The following LHPP variants were observed in gnomAD, a reference collection of about 807,000 sequenced individuals.
The protein encoded by LHPP is hLHPP.
LHPP carries 24 observed loss-of-function variants against 30.3 expected under a neutral mutation model. That is an observed-to-expected ratio of 0.79 (90% CI 0.57 to 1.11). The LOEUF is 1.11. Ranked by LOEUF, LHPP falls within the 50% of genes most tolerant of loss-of-function variation. LHPP has a pLI of 0.00. For missense variants in LHPP, 356 were observed against 367.2 expected (o/e 0.97, Z 0.25); for synonymous variants, 150 against 157.1 (o/e 0.95, Z 0.34).
At chr10:124,481,995 C>T (rs549523438) in intron 1 of LHPP, among the ~76,000 whole-genome samples, 7 of 152,294 alleles carry the variant, frequency 4.6e-5, no homozygotes, top group South Asian at 2.1e-4. Context: ...GTGTAGATAT[C>T]AGCTCCATCT....
chr10:124,571,628 T>C (rs1948585280), intron 6 of LHPP, among the ~76,000 whole-genome samples: 1 of 152,234 alleles, frequency 6.6e-6, no homozygotes, highest in Admixed American at 6.5e-5. Flanking sequence ...GTGACTCTGG[T>C]AATGCAGTCC....
intron 5 of LHPP, among the ~76,000 whole-genome samples, chr10:124,515,584 TG>T (rs1472526265): frequency 1.3e-5 from 2 of 152,220 alleles, no homozygotes; most frequent in African/African-American, 4.8e-5. Context: ...TGGATATTTT[TG>T]TGTGCCCATA....
chr10:124,553,673 A>T (rs894290052), intron 6 of LHPP, among the ~76,000 whole-genome samples: 1 of 151,916 alleles, frequency 6.6e-6, no homozygotes, highest in Admixed American at 6.5e-5. Flanking sequence ...GTTAGCCAGG[A>T]TGGTCTCGAT....
At chr10:124,598,411 G>A (rs1948977721) in intron 6 of LHPP, among the ~76,000 whole-genome samples, 1 of 152,226 alleles carries the variant, frequency 6.6e-6, no homozygotes, top group Non-Finnish European at 1.5e-5. Flanking sequence ...GCCACCGCAG[G>A]GCAGGAGTGT....
intron 5 of LHPP, among the ~76,000 whole-genome samples, chr10:124,502,162 C>T (rs1035877898): frequency 2.0e-5 from 3 of 151,888 alleles, no homozygotes; most frequent in East Asian, 1.9e-4. Flanking sequence ...GTGATAAAAC[C>T]GGGAAATCAA....
chr10:124,477,292 G>C (rs1030025800), intron 1 of LHPP, among the ~76,000 whole-genome samples: 1 of 152,188 alleles, frequency 6.6e-6, no homozygotes, highest in Non-Finnish European at 1.5e-5. Context: ...CCCCGGGGAA[G>C]GGGGTGGTCA....
chr10:124,511,011 C>T (rs991251258), intron 5 of LHPP, among the ~76,000 whole-genome samples: 5 of 152,234 alleles, frequency 3.3e-5, no homozygotes, highest in African/African-American at 1.2e-4. Flanking sequence ...CGCGGTGCCA[C>T]TGGCTGTGTC....
intron 6 of LHPP, among the ~76,000 whole-genome samples, chr10:124,519,335 T>C (rs1036784726): frequency 6.6e-6 from 1 of 152,218 alleles, no homozygotes; most frequent in Admixed American, 6.5e-5. Context: ...TATTTTGGTT[T>C]TTTCTTTTTA....
At chr10:124,513,664 C>T (rs1954374004) in intron 5 of LHPP, among the ~76,000 whole-genome samples, 1 of 150,860 alleles carries the variant, frequency 6.6e-6, no homozygotes. Flanking sequence ...CTATGTTGGC[C>T]AGGCTGGTCT....
chr10:124,604,179 G>A (rs1949064069), intron 6 of LHPP, among the ~76,000 whole-genome samples: 1 of 152,330 alleles, frequency 6.6e-6, no homozygotes, highest in Admixed American at 6.5e-5. Flanking sequence ...TCCCCGACCT[G>A]CTTCCAGAAC....
intron 6 of LHPP, among the ~76,000 whole-genome samples, chr10:124,548,028 G>A (rs893087396): frequency 6.6e-6 from 1 of 152,256 alleles, no homozygotes; most frequent in African/African-American, 2.4e-5. Flanking sequence ...GGATGGGTGT[G>A]TTCCGAGTTC....
At chr10:124,528,015 C>T (rs1475760710) in intron 6 of LHPP, among the ~76,000 whole-genome samples, 1 of 144,364 alleles carries the variant, frequency 6.9e-6, no homozygotes, top group Non-Finnish European at 1.5e-5. Context: ...GTGATCTCCC[C>T]GCCTTGGCCT....
intron 6 of LHPP, among the ~76,000 whole-genome samples, chr10:124,578,258 G>A (rs573774584): frequency 3.9e-5 from 6 of 152,324 alleles, no homozygotes; most frequent in Non-Finnish European, 7.3e-5. Flanking sequence ...GACCAAGTCC[G>A]TGCAGGGGCT....
At chr10:124,579,547 C>T (rs7077253) in intron 6 of LHPP, among the ~76,000 whole-genome samples, 64,736 of 152,010 alleles carry the variant, frequency 0.43, 14,038 homozygotes, top group African/African-American at 0.5. Context: ...TTCATGATCA[C>T]AGATCACACT....
intron 1 of LHPP, among the ~76,000 whole-genome samples, chr10:124,475,754 T>C (rs1158488680): frequency 1.3e-5 from 2 of 152,202 alleles, no homozygotes; most frequent in Non-Finnish European, 2.9e-5. Flanking sequence ...GCAGCCACCA[T>C]GGCCCTCAGG....
At position 124,596,444 on chromosome 10, in the gene LHPP, C is replaced by G. The variant is rs541935546; in HGVS notation, c.717-16820C>G. On this transcript the variant is annotated intron_variant, in intron 6 of 6. Transcript: ENST00000368842. The surrounding 1 kb of genome is among the most constrained non-coding windows in gnomAD (Gnocchi z 4.6). ...GCCGGACCTCTCCACGCTGGCCATT[C>G]AGGTGGACGTGGAGCGGTGTCATTT... is the stretch of plus-strand genomic sequence containing the variant. Among the ~76,000 whole-genome samples, 1 of 152,330 alleles carries G rather than the reference C, an allele frequency of 6.6e-6. No homozygotes were observed. The highest frequency in any genetic ancestry group is 6.5e-5 in the Admixed American group (1 of 15,308).
chr10:124,498,500 C>T, intron 5 of LHPP: 1 of 1,446,798 alleles, frequency 6.9e-7, no homozygotes, highest in Non-Finnish European at 9.0e-7. Flanking sequence ...TAAAGTCACT[C>T]ATTTTGCGAC....
At chr10:124,552,258 C>G (rs1210712880) in intron 6 of LHPP, among the ~76,000 whole-genome samples, 1 of 152,158 alleles carries the variant, frequency 6.6e-6, no homozygotes, top group Non-Finnish European at 1.5e-5. Flanking sequence ...ACCGGATCCC[C>G]ATTACGGAAA....
intron 6 of LHPP, among the ~76,000 whole-genome samples, chr10:124,526,846 G>T (rs1354580251): frequency 6.6e-6 from 1 of 152,216 alleles, no homozygotes; most frequent in Admixed American, 6.5e-5. Flanking sequence ...CCAGTGTGTG[G>T]TGGGGAGGTG....
Sources: gnomAD v4.1 joint callset for allele counts (sites outside exome capture counted in the v4.1 genomes callset) on GRCh38, gnomAD v4.1.1 for gene constraint, Gnocchi (gnomAD v3.1) non-coding constraint, MANE v1.5 for transcripts, NCBI Gene and HGNC (gene_info 2026-07-23, HGNC 2026-07-21) for gene names.